Variants in LYPLAL1 observed in about 807,000 individuals in gnomAD.
LYPLAL1 encodes the protein lysophospholipase like 1, also known as lysophospholipase-like protein 1.
Under a neutral mutation model 19.7 loss-of-function variants are expected in LYPLAL1, and 23 were observed. The ratio of observed to expected loss-of-function variants is 1.17; its 90% CI spans 0.84 to 1.65. The LOEUF is 1.65. LYPLAL1 is among the 40% of genes most tolerant of loss of function. The pLI is 0.00. For synonymous variants in LYPLAL1, 119 were observed against 96.3 expected (o/e 1.24, Z -1.38); for missense variants, 355 against 279.4 (o/e 1.27, Z -1.93).
chr1:219,195,383 G>A (rs1657522457), intron 3 of LYPLAL1, among the ~76,000 whole-genome samples: 1 of 151,866 alleles, frequency 6.6e-6, no homozygotes, highest in Non-Finnish European at 1.5e-5. Flanking sequence ...TGGTGTGGTG[G>A]CAATAGGAAA....
the LYPLAL1 span, among the ~76,000 whole-genome samples, chr1:219,365,736 T>C: frequency 2.0e-5 from 3 of 152,136 alleles, no homozygotes; most frequent in African/African-American, 7.2e-5. Flanking sequence ...GATGTGACCA[T>C]GATATATGGG....
rs1227510487 is a variant in LYPLAL1, at chr1:219,197,233, A to T, written c.361+3982A>T. 2.0e-5 allele frequency among the ~76,000 whole-genome samples: 3 copies of T among 152,196 alleles called. No individual in the cohort carries two copies. The East Asian group carries it at 5.8e-4, about 29-fold the overall frequency. ...ATGCTACCCAACTTCAAACTATACTACAAGGCTACAGTAACCAAACAGCAT... is the reference window on the plus strand; with the variant it reads ...ATGCTACCCAACTTCAAACTATACTTCAAGGCTACAGTAACCAAACAGCAT... On this transcript the variant is annotated intron_variant, in intron 3 of 4. Transcript: ENST00000366928.
chr1:219,262,586 G>C, the LYPLAL1 span, among the ~76,000 whole-genome samples: 1 of 152,158 alleles, frequency 6.6e-6, no homozygotes, highest in East Asian at 1.9e-4. Context: ...GATCCAAACT[G>C]CTGCGATTAT....
the LYPLAL1 span, among the ~76,000 whole-genome samples, chr1:219,422,371 T>C: frequency 6.6e-6 from 1 of 152,204 alleles, no homozygotes; most frequent in South Asian, 2.1e-4. Flanking sequence ...AGGAACTTTG[T>C]ATTTTTCCTT....
chr1:219,298,525 CCT>C, the LYPLAL1 span, among the ~76,000 whole-genome samples: 2 of 152,128 alleles, frequency 1.3e-5, no homozygotes, highest in African/African-American at 4.8e-5. Context: ...AGTTACTGAA[CCT>C]CTCTCTCCCC....
the LYPLAL1 span, chr1:219,222,850 T>C: frequency 2.0e-5 from 3 of 152,146 alleles, no homozygotes. Flanking sequence ...GTCTTTTTGC[T>C]AAATTCTCAT....
the LYPLAL1 span, among the ~76,000 whole-genome samples, chr1:219,221,547 C>G: frequency 6.6e-6 from 1 of 152,120 alleles, no homozygotes; most frequent in Non-Finnish European, 1.5e-5. Flanking sequence ...GGGTCGGGTG[C>G]TCAGTTTCAA....
At chr1:219,297,080 A>G in the LYPLAL1 span, among the ~76,000 whole-genome samples, 2 of 152,334 alleles carry the variant, frequency 1.3e-5, no homozygotes, top group South Asian at 4.1e-4. Context: ...GAAATTCTTT[A>G]TAGTCCAAAC....
At chr1:219,377,499 C>T in the LYPLAL1 span, among the ~76,000 whole-genome samples, 2 of 152,080 alleles carry the variant, frequency 1.3e-5, no homozygotes, top group Non-Finnish European at 2.9e-5. Flanking sequence ...TTTTATGTTA[C>T]ATTATTTATA....
the LYPLAL1 span, chr1:219,410,022 G>A: frequency 1 from 151,945 of 152,368 alleles, 75,763 homozygotes; most frequent in Middle Eastern, 1. Flanking sequence ...TTCTTCATCA[G>A]AATTCTTAAT....
chr1:219,342,290 T>G, the LYPLAL1 span, among the ~76,000 whole-genome samples: 1 of 152,080 alleles, frequency 6.6e-6, no homozygotes, highest in East Asian at 1.9e-4. Context: ...TAGAACAGCT[T>G]TAGGAGGGAG....
At chr1:219,190,605 T>A (rs1657083622) in intron 2 of LYPLAL1, among the ~76,000 whole-genome samples, 1 of 108,382 alleles carries the variant, frequency 9.2e-6, no homozygotes. Context: ...ATATCAAATG[T>A]AGAGTCTTTT....
the LYPLAL1 span, among the ~76,000 whole-genome samples, chr1:219,314,724 G>A: frequency 1.1e-4 from 17 of 152,316 alleles, no homozygotes; most frequent in South Asian, 8.3e-4. Flanking sequence ...GAGCCACTGC[G>A]CCTGGCTGAC....
chr1:219,208,694 C>CA (rs988137041), intron 3 of LYPLAL1, among the ~76,000 whole-genome samples: 12 of 151,888 alleles, frequency 7.9e-5, no homozygotes, highest in African/African-American at 2.9e-4. Flanking sequence ...TTAAGGGTTT[C>CA]AAAATCTCAA....
the LYPLAL1 span, among the ~76,000 whole-genome samples, chr1:219,219,773 G>A: frequency 6.6e-6 from 1 of 152,226 alleles, no homozygotes; most frequent in African/African-American, 2.4e-5. Flanking sequence ...CCCAGGTGTG[G>A]TACAGGAGCT....
the LYPLAL1 span, among the ~76,000 whole-genome samples, chr1:219,346,569 G>T: frequency 1.3e-5 from 2 of 151,258 alleles, no homozygotes; most frequent in Non-Finnish European, 2.9e-5. Flanking sequence ...ACACAAACAT[G>T]TGTGCAGGAA....
At chr1:219,309,303 A>G in the LYPLAL1 span, among the ~76,000 whole-genome samples, 1 of 152,194 alleles carries the variant, frequency 6.6e-6, no homozygotes, top group Non-Finnish European at 1.5e-5. Context: ...TCCATTTTAC[A>G]GGCTAGTAGG....
the LYPLAL1 span, among the ~76,000 whole-genome samples, chr1:219,231,458 A>C: frequency 3.9e-5 from 6 of 152,208 alleles, no homozygotes; most frequent in African/African-American, 1.4e-4. Flanking sequence ...AAATATATTC[A>C]TGCAAATGTG....
At chr1:219,345,457 T>C in the LYPLAL1 span, among the ~76,000 whole-genome samples, 3 of 152,198 alleles carry the variant, frequency 2.0e-5, no homozygotes, top group Admixed American at 6.5e-5. Flanking sequence ...GATTTGGTTT[T>C]GTTTTGGATT....
Sources: gnomAD v4.1 joint callset for allele counts (sites outside exome capture counted in the v4.1 genomes callset) on GRCh38, gnomAD v4.1.1 for gene constraint, MANE v1.5 for transcripts, NCBI Gene and HGNC (gene_info 2026-07-23, HGNC 2026-07-21) for gene names.